The following ANKRD18B variants were observed in gnomAD, a reference collection of about 807,000 sequenced individuals.
ANKRD18B encodes the protein ankyrin repeat domain-containing protein 18B.
ANKRD18B carries 75 observed loss-of-function variants against 111.8 expected under a neutral mutation model. The observed-to-expected ratio is 0.67, with a 90% CI of 0.56 to 0.81. The LOEUF (loss-of-function observed/expected upper bound fraction) is 0.81. ANKRD18B is among the 40% of genes least tolerant of loss of function. The pLI is 0.00. For synonymous variants in ANKRD18B, 356 were observed against 417.3 expected (o/e 0.85, Z 1.79); for missense variants, 1,038 against 1,225.5 (o/e 0.85, Z 2.28).
Position 33,539,452 on chromosome 9 carries a change from C to A in ANKRD18B, c.812C>A (p.Ala271Glu), listed in dbSNP as rs1241207580. Residue 271 changes from alanine to glutamate, a missense_variant, in exon 7 of 19, where the codon GCA becomes GAA. Around this residue, in one of 4 missense-constraint regions of ANKRD18B, gnomAD observed 93 missense variants for 141.3 expected, o/e 0.66. Transcript: ENST00000684830. Reference sequence around the variant, plus strand: ...AACAAGCTTGCATGTTTGACAGAAGCAGCAGCCATGAAGAATGAAAGTTTT... The same window carrying A: ...AACAAGCTTGCATGTTTGACAGAAGAAGCAGCCATGAAGAATGAAAGTTTT... ...KNHLRNDNQEAAAMKNESFKT... is the reference protein window; with the variant it reads ...KNHLRNDNQEEAAMKNESFKT... 2.4e-5 allele frequency: 4 copies of A among 164,614 alleles called. No homozygotes were observed. Among genetic ancestry groups the A allele is most frequent in the Non-Finnish European group, 2.9e-5 (2 of 68,116 alleles). 10.2% of individuals were successfully genotyped at this position (164,614 alleles called of 1,614,324 possible).
At chr9:33,574,897 A>G (rs562494433), downstream of ANKRD18B, among the ~76,000 whole-genome samples, 2 of 152,176 alleles carry the variant, frequency 1.3e-5, no homozygotes, top group East Asian at 1.9e-4. Context: ...CTGAGTCCCC[A>G]TCGCCTCTGT....
At chr9:33,549,861 CAT>C (rs1453486501) in intron 11 of ANKRD18B, among the ~76,000 whole-genome samples, 9 of 152,190 alleles carry the variant, frequency 5.9e-5, no homozygotes, top group Non-Finnish European at 1.0e-4. Context: ...GTAATTAGCT[CAT>C]AATTTACATT....
At chr9:33,530,527 CAAAAAA>C (rs34371607) in intron 3 of ANKRD18B, among the ~76,000 whole-genome samples, 1 of 82,988 alleles carries the variant, frequency 1.2e-5, no homozygotes, top group African/African-American at 4.7e-5. Context: ...ACAACAAGAG[CAAAAAA>C]AAAAAAAAAA....
At chr9:33,548,899 A>G in intron 11 of ANKRD18B, 44 bp downstream of exon 11, 1 of 1,411,666 alleles carries the variant, frequency 7.1e-7, no homozygotes, top group Non-Finnish European at 9.3e-7. Flanking sequence ...GAAAATTTAA[A>G]CATTTCATTG....
intron 3 of ANKRD18B, 143 bp downstream of exon 3, chr9:33,529,316 G>A (rs2985588): frequency 0.11 from 141,448 of 1,248,444 alleles, 9,377 homozygotes; most frequent in African/African-American, 0.24. Context: ...TACTTTAAAT[G>A]TTGATACTTT....
rs1405710147 is a variant in ANKRD18B, at chr9:33,534,450, C to G, written c.683C>G (p.Ser228Cys). ...LLLQQNIHIS[S>C]QDMFGQTAED... ...CTTCAACAAAATATACATATCTCTT[C>G]TCAAGACATGTTTGGCCAAACTGCC... The change falls in exon 5 of 19, where the codon TCT (serine) becomes TGT (cysteine). Residue 228 changes from serine (S) to cysteine (C), a missense_variant. This residue lies in a region of ANKRD18B where 93 missense variants were observed against 141.3 expected (regional missense o/e 0.66). Coordinates refer to ENST00000684830, the MANE Select transcript of ANKRD18B (RefSeq NM_001393611.1). 6.4e-7 allele frequency: 1 copy of G among 1,551,034 alleles called. No homozygotes were observed. The highest frequency in any genetic ancestry group is 1.4e-5 in the African/African-American group (1 of 73,016).
intron 12 of ANKRD18B, among the ~76,000 whole-genome samples, chr9:33,554,417 A>G (rs1563905643): frequency 6.6e-6 from 1 of 152,204 alleles, no homozygotes; most frequent in Non-Finnish European, 1.5e-5. Context: ...ACTAGAGGGA[A>G]GAGTCCTCAG....
intron 17 of ANKRD18B, 133 bp downstream of exon 17, chr9:33,569,026 C>T: frequency 1.2e-6 from 1 of 829,700 alleles, no homozygotes; most frequent in South Asian, 3.9e-5. Flanking sequence ...TGTGTTAACA[C>T]AGAAAGGAAA....
intron 12 of ANKRD18B, among the ~76,000 whole-genome samples, chr9:33,553,116 T>A (rs554103276): frequency 6.6e-6 from 1 of 150,592 alleles, no homozygotes; most frequent in South Asian, 2.1e-4. Context: ...ATTCTAGCAC[T>A]TGGGGAAGCT....
chr9:33,529,690 G>C (rs1468376223), intron 3 of ANKRD18B, among the ~76,000 whole-genome samples: 2 of 152,170 alleles, frequency 1.3e-5, no homozygotes, highest in Non-Finnish European at 1.5e-5. Context: ...AATAGGTTTT[G>C]TTTTTTAGTT....
chr9:33,530,527 C>CAAAAAAAAAAA, intron 3 of ANKRD18B, among the ~76,000 whole-genome samples: 1 of 82,988 alleles, frequency 1.2e-5, no homozygotes, highest in Non-Finnish European at 2.3e-5. Context: ...ACAACAAGAG[C>CAAAAAAAAAAA]AAAAAAAAAA....
intron 14 of ANKRD18B, among the ~76,000 whole-genome samples, chr9:33,563,025 T>A (rs1320121335): frequency 2.0e-5 from 3 of 152,214 alleles, no homozygotes; most frequent in Non-Finnish European, 2.9e-5. Context: ...GAGACACCCT[T>A]GCCTTATTAT....
rs1268527480 is a variant in ANKRD18B, at chr9:33,533,523, C to T, written c.580C>T (p.His194Tyr). The T allele has an allele frequency of 1.3e-6, 2 of 1,526,366 alleles. No homozygotes were observed. Among genetic ancestry groups the T allele is most frequent in the East Asian group, 2.5e-5 (1 of 40,688 alleles). The allele number at this position is 1,526,366 out of a possible 1,614,324, so 94.6% of individuals were successfully genotyped here. ...EFLLKNQANI[H>Y]AVDNFKRTAL... The stretch of plus-strand genomic sequence containing the variant: ...TTTATTGAAGAACCAGGCAAATATA[C>T]ATGCCGTTGACAATTTCAAAAGGTG... Residue 194 changes from histidine (H) to tyrosine (Y), a missense_variant, in exon 4 of 19, where the codon CAT becomes TAT. Physicochemically the swap from His to Tyr is moderately conservative, Grantham distance 83. This residue lies in a region of ANKRD18B where 93 missense variants were observed against 141.3 expected (regional missense o/e 0.66). Transcript: ENST00000684830.
rs376824099 is a variant in ANKRD18B at position 33,569,058 on chromosome 9, T to C, written c.3177+165T>C. 55 of 603,450 alleles carry C rather than the reference T, an allele frequency of 9.1e-5. 1 individual carries two copies. In the South Asian group the frequency reaches 1.4e-3, roughly 15 times the overall value. The allele number at this position is 603,450 out of a possible 1,614,324, so 37.4% of individuals were successfully genotyped here. A position where few individuals can be genotyped will look rare whatever the true frequency, so the allele number is the denominator to read the frequency against. On this transcript the variant is annotated intron_variant, in intron 17 of 18. Transcript: ENST00000684830. ...GAAATGGAAACTTTACATTTTTTAA[T>C]TCCCTGGAGCTCTCATTTTCAAGAG... is the stretch of plus-strand genomic sequence containing the variant.
At position 33,528,795 on chromosome 9, in the gene ANKRD18B, G is replaced by A; in HGVS notation, c.275G>A (p.Cys92Tyr). The change falls in exon 2 of 19, where the codon TGC becomes TAC. Residue 92 changes from cysteine (C) to tyrosine (Y), a missense_variant. This residue lies in a region of ANKRD18B where 216 missense variants were observed against 205.1 expected (regional missense o/e 1.05). Transcript: ENST00000684830. Reference sequence around the variant, plus strand: ...GTCACTCTCTTGCTGGACAGAAAATGCCAGATCAACATCTGTGACAGACTA... The same window carrying A: ...GTCACTCTCTTGCTGGACAGAAAATACCAGATCAACATCTGTGACAGACTA... The part of the protein sequence containing the change: ...QVVTLLLDRK[C>Y]QINICDRLNR... 6.2e-7 allele frequency: 1 copy of A among 1,613,024 alleles called. No homozygotes were observed. Among genetic ancestry groups the A allele is most frequent in the Non-Finnish European group, 8.5e-7 (1 of 1,179,490 alleles).
At chr9:33,574,788 CAT>C (rs1587282922), downstream of ANKRD18B, among the ~76,000 whole-genome samples, 2 of 152,308 alleles carry the variant, frequency 1.3e-5, no homozygotes, top group Admixed American at 6.5e-5. Context: ...TGCATGCACA[CAT>C]GTCAGTTCAG....
intron 1 of ANKRD18B, among the ~76,000 whole-genome samples, chr9:33,527,073 A>G (rs1309308245): frequency 1.3e-5 from 2 of 152,226 alleles, no homozygotes; most frequent in African/African-American, 4.8e-5. Flanking sequence ...TGGGAATAGT[A>G]GGACTTAATC....
intron 11 of ANKRD18B, among the ~76,000 whole-genome samples, chr9:33,549,789 A>C (rs868332603): frequency 2.6e-4 from 40 of 152,206 alleles, no homozygotes; most frequent in African/African-American, 8.9e-4. Flanking sequence ...TTTAGCAAAA[A>C]AATATTTGAT....
In ANKRD18B at chr9:33,566,446, G is replaced by A; in HGVS notation, c.2688G>A (p.Glu896=). 1 of 1,610,226 alleles carries A rather than the reference G, an allele frequency of 6.2e-7. No individual in the cohort carries two copies. Among genetic ancestry groups the A allele is most frequent in the Non-Finnish European group, 8.5e-7 (1 of 1,179,210 alleles). ...GTAAAGTACAAGAATATAAATCGGA[G>A]CTGGATGAAAGGGCAATGCAGGCAA... ...ELGKVQEYKS[E]LDERAMQAIE... The change falls in exon 15 of 19, where the codon GAG becomes GAA. Residue 896 remains glutamate, a synonymous_variant. Coordinates refer to ENST00000684830, the MANE Select transcript of ANKRD18B (RefSeq NM_001393611.1).
Sources: allele counts gnomAD v4.1 joint callset (sites outside exome capture counted in the v4.1 genomes callset), GRCh38; gene constraint gnomAD v4.1.1; regional missense constraint gnomAD v4.1.1; transcripts MANE v1.5; gene names NCBI Gene and HGNC (gene_info 2026-07-23, HGNC 2026-07-21).